Variants in ANKS1B observed in about 807,000 individuals in gnomAD.
The protein encoded by ANKS1B is ankyrin repeat and sterile alpha motif domain containing 1B, also known as ankyrin repeat and sterile alpha motif domain-containing protein 1B.
ANKS1B carries 36 observed loss-of-function variants against 148.3 expected under a neutral mutation model. The observed-to-expected ratio is 0.24, with a 90% CI of 0.19 to 0.32. ANKS1B has a LOEUF of 0.32. Ranked by LOEUF, ANKS1B falls within the 10% of genes least tolerant of loss-of-function variation. The probability of loss-of-function intolerance (pLI) is 1.00; values close to 1 mark genes in which losing one functional copy is unlikely to be tolerated. For synonymous variants in ANKS1B, 542 were observed against 560.8 expected (o/e 0.97, Z 0.47); for missense variants, 1,157 against 1,542.6 (o/e 0.75, Z 4.19).
chr12:99,377,082 A>G (rs944167704), intron 12 of ANKS1B, among the ~76,000 whole-genome samples: 8 of 150,942 alleles, frequency 5.3e-5, no homozygotes, highest in Non-Finnish European at 7.4e-5. Context: ...ATCTTGGCCC[A>G]CTGCAACTTC....
At chr12:98,856,504 T>C (rs575195871) in intron 17 of ANKS1B, among the ~76,000 whole-genome samples, 2 of 152,322 alleles carry the variant, frequency 1.3e-5, no homozygotes, top group South Asian at 4.1e-4. Context: ...AATGTGTTGA[T>C]TATATGCATG....
At chr12:99,443,966 G>T (rs903601518) in intron 10 of ANKS1B, among the ~76,000 whole-genome samples, 157 bp from the exon 11 acceptor site, 10 of 151,886 alleles carry the variant, frequency 6.6e-5, no homozygotes, top group African/African-American at 1.9e-4. Flanking sequence ...ATATTTTAAA[G>T]ATAATGCTTT....
intron 12 of ANKS1B, among the ~76,000 whole-genome samples, chr12:99,309,032 A>G (rs2082760498): frequency 6.6e-6 from 1 of 151,512 alleles, no homozygotes; most frequent in Non-Finnish European, 1.5e-5. Flanking sequence ...GTTTTCATGT[A>G]TTAATCCTAC....
At chr12:99,215,680 GC>G (rs1487707682) in intron 14 of ANKS1B, among the ~76,000 whole-genome samples, 2 of 152,200 alleles carry the variant, frequency 1.3e-5, no homozygotes, top group Non-Finnish European at 2.9e-5. Flanking sequence ...GGGGCCTGTA[GC>G]CCCCTTGTTT....
At chr12:98,820,344 T>C (rs1225715102) in intron 19 of ANKS1B, among the ~76,000 whole-genome samples, 2 of 152,228 alleles carry the variant, frequency 1.3e-5, no homozygotes, top group Admixed American at 6.5e-5. Flanking sequence ...TAATCAGTGC[T>C]GGCTCTGACG....
chr12:99,148,972 T>C (rs1030473069), intron 15 of ANKS1B, among the ~76,000 whole-genome samples: 2 of 151,946 alleles, frequency 1.3e-5, no homozygotes, highest in Non-Finnish European at 1.5e-5. Flanking sequence ...TAAGAAGGTA[T>C]AGGAAATTTG....
intron 10 of ANKS1B, among the ~76,000 whole-genome samples, chr12:99,447,351 C>A (rs569396703): frequency 1.3e-5 from 2 of 152,104 alleles, no homozygotes; most frequent in African/African-American, 4.8e-5. Context: ...TGGTACATGT[C>A]TGTACTTCCA....
chr12:99,567,683 T>C (rs543050560), intron 9 of ANKS1B, among the ~76,000 whole-genome samples: 14 of 152,078 alleles, frequency 9.2e-5, no homozygotes, highest in Non-Finnish European at 1.6e-4. Context: ...CATCAGCCAC[T>C]TGGAGTAGAT....
intron 1 of ANKS1B, among the ~76,000 whole-genome samples, chr12:99,909,196 T>A (rs899806035): frequency 1.3e-5 from 2 of 151,718 alleles, no homozygotes; most frequent in African/African-American, 4.8e-5. Context: ...TCTCCTTTTT[T>A]AAGGCTGGAC....
intron 17 of ANKS1B, among the ~76,000 whole-genome samples, chr12:98,834,373 C>T (rs534479427): frequency 2.6e-5 from 4 of 152,134 alleles, no homozygotes; most frequent in Admixed American, 6.5e-5. Flanking sequence ...TTTTAATACC[C>T]GTTTAAAATG....
intron 7 of ANKS1B, among the ~76,000 whole-genome samples, 177 bp downstream of exon 7, chr12:99,775,371 T>C (rs531300348): frequency 2.0e-5 from 3 of 152,266 alleles, no homozygotes; most frequent in South Asian, 4.1e-4. Context: ...ACAGCAGGGA[T>C]AGTTTTCTGC....
At chr12:99,167,555 T>C (rs1288714046) in intron 14 of ANKS1B, among the ~76,000 whole-genome samples, 1 of 152,160 alleles carries the variant, frequency 6.6e-6, no homozygotes, top group African/African-American at 2.4e-5. Flanking sequence ...TCTAAAATCA[T>C]TGCCAAATGA....
intron 12 of ANKS1B, among the ~76,000 whole-genome samples, chr12:99,347,894 G>A (rs148614046): frequency 6.6e-6 from 1 of 151,990 alleles, no homozygotes; most frequent in African/African-American, 2.4e-5. Flanking sequence ...AGATTTACTA[G>A]ACAAAGAGAT....
At chr12:99,157,235 T>G (rs1264064675) in intron 14 of ANKS1B, among the ~76,000 whole-genome samples, 1 of 152,198 alleles carries the variant, frequency 6.6e-6, no homozygotes, top group Non-Finnish European at 1.5e-5. Flanking sequence ...CTAAAGCTGT[T>G]ACAAGGTGGA....
intron 1 of ANKS1B, among the ~76,000 whole-genome samples, chr12:99,974,474 T>C (rs2095601182): frequency 6.6e-6 from 1 of 152,190 alleles, no homozygotes; most frequent in South Asian, 2.1e-4. Flanking sequence ...TAAAAAATTC[T>C]AGAGACTAAA....
chr12:99,734,064 C>G (rs551582568), intron 8 of ANKS1B, among the ~76,000 whole-genome samples: 77 of 152,298 alleles, frequency 5.1e-4, no homozygotes, highest in Non-Finnish European at 8.1e-4. Context: ...CAATATCACT[C>G]CTCACTCTCA....
At chr12:99,301,782 G>A (rs979119810) in intron 12 of ANKS1B, among the ~76,000 whole-genome samples, 2 of 151,950 alleles carry the variant, frequency 1.3e-5, no homozygotes, top group Non-Finnish European at 2.9e-5. Flanking sequence ...CATAATTACA[G>A]CTATTAAATA....
At chr12:98,963,026 T>C (rs749935940) in intron 17 of ANKS1B, among the ~76,000 whole-genome samples, 5 of 151,860 alleles carry the variant, frequency 3.3e-5, no homozygotes, top group Admixed American at 6.6e-5. Context: ...TAACAATGCA[T>C]CTTAAAGAAC....
rs372317572 is a variant in ANKS1B, at chr12:99,446,790, A to G, written c.1439-2981T>C. 3.0e-4 allele frequency among the ~76,000 whole-genome samples: 45 copies of G among 152,172 alleles called. 1 individual carries two copies. The highest frequency in any genetic ancestry group is 1.1e-3 in the African/African-American group (45 of 41,524). ...TGAAAAATAAATAATAAAAACAACAAAAAAGTCAACCATAAAAACATCTTT... is the reference window on the plus strand; with the variant it reads ...TGAAAAATAAATAATAAAAACAACAGAAAAGTCAACCATAAAAACATCTTT... On this transcript the variant is annotated intron_variant, in intron 10 of 26. Coordinates refer to ENST00000683438, the MANE Select transcript of ANKS1B (RefSeq NM_001352186.2).
Sources: gnomAD v4.1 joint callset for allele counts (sites outside exome capture counted in the v4.1 genomes callset) on GRCh38, gnomAD v4.1.1 for gene constraint, MANE v1.5 for transcripts, NCBI Gene and HGNC (gene_info 2026-07-23, HGNC 2026-07-21) for gene names.